FBXO47: variants seen among roughly 807,000 people sequenced by gnomAD.
FBXO47 encodes F-box only protein 47.
In FBXO47, 34 loss-of-function variants were observed where a neutral mutation model predicts 53.9. That is an observed-to-expected ratio of 0.63 (90% confidence interval 0.48 to 0.84). The LOEUF (loss-of-function observed/expected upper bound fraction) is 0.84. Ranked by LOEUF, FBXO47 falls within the 40% of genes least tolerant of loss-of-function variation. The probability of loss-of-function intolerance (pLI) is 0.00; values close to 1 mark genes in which losing one functional copy is unlikely to be tolerated. For missense variants in FBXO47, 485 were observed against 541.3 expected (o/e 0.90, Z 1.03); for synonymous variants, 165 against 181.6 (o/e 0.91, Z 0.73).
chr17:38,940,255 T>C (rs1184037356), intron 9 of FBXO47, among the ~76,000 whole-genome samples: 1 of 151,858 alleles, frequency 6.6e-6, no homozygotes, highest in East Asian at 1.9e-4. Context: ...AGAAGACAAA[T>C]CAGAGGTAAT....
intron 9 of FBXO47, 100 bp from the exon 10 acceptor site, chr17:38,938,832 C>T: frequency 3.0e-6 from 3 of 985,176 alleles, no homozygotes; most frequent in Non-Finnish European, 4.4e-6. Context: ...TGTGATTTTA[C>T]ATAATTTATG....
intron 10 of FBXO47, among the ~76,000 whole-genome samples, chr17:38,937,824 C>T (rs563106441): frequency 3.3e-5 from 5 of 152,066 alleles, no homozygotes; most frequent in Non-Finnish European, 4.4e-5. Flanking sequence ...CCTGCCACCA[C>T]GCCCAGCTAA....
chr17:38,957,873 T>C (rs73301143), intron 3 of FBXO47, among the ~76,000 whole-genome samples: 4,979 of 151,860 alleles, frequency 0.033, 243 homozygotes, highest in African/African-American at 0.099. Flanking sequence ...CTCGTTCTGT[T>C]GCCAGGATGA....
rs878927193 is a variant in FBXO47 at position 38,962,750 on chromosome 17, AT to A, written c.181+94del. On this transcript the variant is annotated intron_variant, in intron 2 of 10. Transcript: ENST00000378079. ...AACACTTAACATGAATGTCATTAAC[AT>A]TTTAGCATGGCCCAAGATGACAAAC... The A allele has an allele frequency of 3.3e-5, 27 of 814,224 alleles. No homozygotes were observed. In the South Asian group the frequency reaches 6.3e-4, roughly 19 times the overall value. The allele number at this position is 814,224 out of a possible 1,614,324, so 50.4% of individuals were successfully genotyped here. A position where few individuals can be genotyped will look rare whatever the true frequency, so the allele number is the denominator to read the frequency against.
intron 7 of FBXO47, among the ~76,000 whole-genome samples, chr17:38,944,696 G>A (rs28426068): frequency 0.012 from 1,292 of 109,542 alleles, 22 homozygotes; most frequent in African/African-American, 0.044. Context: ...AGCAGACTCC[G>A]TCTCAAAAAA....
At chr17:38,941,507 C>T (rs537379992) in intron 9 of FBXO47, among the ~76,000 whole-genome samples, 6 of 150,890 alleles carry the variant, frequency 4.0e-5, no homozygotes, top group African/African-American at 1.5e-4. Flanking sequence ...CAGGGTCTTG[C>T]TGTGTTTTCC....
chr17:38,962,017 G>A lies in FBXO47; in HGVS notation c.212C>T (p.Ser71Phe), dbSNP rs1331873853. 7 of 1,613,452 alleles carry A rather than the reference G, an allele frequency of 4.3e-6. No homozygotes were observed. Among genetic ancestry groups the A allele is most frequent in the Non-Finnish European group, 5.1e-6 (6 of 1,179,854 alleles). ...VKDISMLSMV[S>F]KTVSQHIINY... ...AATAATGTGTTGGCTGACTGTTTTG[G>A]ACACCATGCTTAGCATGCTGATATC... The change falls in exon 3 of 11, where the codon TCC becomes TTC. Residue 71 changes from serine (S) to phenylalanine (F), a missense_variant. By Grantham distance (155) the Ser-to-Phe change is radical (BLOSUM62 -2). Transcript: ENST00000378079.
chr17:38,938,822 T>G (rs1422539330), intron 9 of FBXO47, 90 bp from the exon 10 acceptor site: 5 of 1,084,182 alleles, frequency 4.6e-6, no homozygotes, highest in Non-Finnish European at 6.5e-6. Context: ...AATTATAGTT[T>G]GTGATTTTAC....
At position 38,948,207 on chromosome 17, in the gene FBXO47, ATTT is replaced by A. The variant is rs869282186; in HGVS notation, c.617-3074_617-3072del. 4.7e-3 allele frequency among the ~76,000 whole-genome samples: 416 copies of A among 89,270 alleles called. 4 individuals carry two copies. The East Asian group carries it at 0.07, about 15-fold the overall frequency. 58.6% of individuals were successfully genotyped at this position (89,270 alleles called of 152,430 possible). ...ATCTCCATGGATTTCCCTATTCTGG[ATTT>A]TTTTTTTTTTTTTTTTTTTTTGAGA... On this transcript the variant is annotated intron_variant, in intron 6 of 10. Transcript: ENST00000378079.
intron 5 of FBXO47, among the ~76,000 whole-genome samples, chr17:38,953,947 G>T (rs1800195806): frequency 1.3e-5 from 2 of 152,204 alleles, no homozygotes. Flanking sequence ...AGCACAGCAA[G>T]ATTCTTACGG....
rs11413363 is a variant in FBXO47 at position 38,945,946 on chromosome 17, A to ATAT, written c.617-811_617-810insATA. On this transcript the variant is annotated intron_variant, in intron 6 of 10. Coordinates refer to ENST00000378079, the MANE Select transcript of FBXO47 (RefSeq NM_001008777.3). ...GCGAGACTCTGGCTCAAAAAAAAAA[A>ATAT]AAATATATATATATATATAAATATA... is the stretch of plus-strand genomic sequence containing the variant. Among the ~76,000 whole-genome samples, 38 of 133,020 alleles carry ATAT rather than the reference A, an allele frequency of 2.9e-4. No homozygotes were observed. The East Asian group carries it at 5.3e-3, about 19-fold the overall frequency. 87.3% of individuals were successfully genotyped at this position (133,020 alleles called of 152,430 possible). A position where few individuals can be genotyped will look rare whatever the true frequency, so the allele number is the denominator to read the frequency against.
chr17:38,945,250 C>T, intron 6 of FBXO47, 114 bp from the exon 7 acceptor site: 3 of 717,008 alleles, frequency 4.2e-6, no homozygotes, highest in Non-Finnish European at 7.0e-6. Flanking sequence ...AACTAGGTTT[C>T]TAAACAGGAA....
chr17:38,962,443 C>A (rs1207428790), intron 2 of FBXO47, among the ~76,000 whole-genome samples: 1 of 152,004 alleles, frequency 6.6e-6, no homozygotes, highest in Non-Finnish European at 1.5e-5. Flanking sequence ...TGGACAAACT[C>A]CATTTCTACT....
chr17:38,941,025 C>T (rs1215841051), intron 9 of FBXO47, among the ~76,000 whole-genome samples: 1 of 151,584 alleles, frequency 6.6e-6, no homozygotes, highest in Non-Finnish European at 1.5e-5. Flanking sequence ...CATTCTGTTG[C>T]CCAGGCTAGA....
intron 9 of FBXO47, among the ~76,000 whole-genome samples, chr17:38,940,441 C>T (rs961921169): frequency 3.3e-5 from 5 of 151,834 alleles, no homozygotes; most frequent in Admixed American, 2.0e-4. Flanking sequence ...TTCAGTAGCT[C>T]CCTATTAGAA....
intron 7 of FBXO47, among the ~76,000 whole-genome samples, chr17:38,944,314 C>A (rs529209163): frequency 6.6e-6 from 1 of 150,708 alleles, no homozygotes; most frequent in Admixed American, 6.7e-5. Context: ...TCACTTGAGC[C>A]CAAGAGGTTG....
At chr17:38,955,674 G>A (rs534430184) in intron 4 of FBXO47, among the ~76,000 whole-genome samples, 1 of 151,230 alleles carries the variant, frequency 6.6e-6, no homozygotes, top group Non-Finnish European at 1.5e-5. Context: ...ACCTTTTGCC[G>A]GTTTAGTAGA....
At chr17:38,964,513 T>C (rs1039689066) in intron 1 of FBXO47, among the ~76,000 whole-genome samples, 5 of 151,836 alleles carry the variant, frequency 3.3e-5, no homozygotes, top group Non-Finnish European at 7.4e-5. Flanking sequence ...GGAAAATTGC[T>C]GGAACCTGGG....
intron 3 of FBXO47, among the ~76,000 whole-genome samples, chr17:38,959,150 TAA>T (rs1001551209): frequency 7.0e-6 from 1 of 143,276 alleles, no homozygotes; most frequent in Admixed American, 7.0e-5. Context: ...ACTGGCTGTT[TAA>T]AAAAAAAAAA....
Sources: gnomAD v4.1 joint callset for allele counts (sites outside exome capture counted in the v4.1 genomes callset) on GRCh38, gnomAD v4.1.1 for gene constraint, MANE v1.5 for transcripts, NCBI Gene and HGNC (gene_info 2026-07-23, HGNC 2026-07-21) for gene names.